The following PIWIL1 variants were observed in gnomAD, a reference collection of about 807,000 sequenced individuals.
The protein encoded by PIWIL1 is piwi like RNA-mediated gene silencing 1.
A neutral mutation model predicts 114.4 loss-of-function variants in PIWIL1; 73 were observed. The ratio of observed to expected loss-of-function variants is 0.64; its 90% confidence interval spans 0.53 to 0.78. PIWIL1 has a LOEUF of 0.78. Among genes scored for constraint, PIWIL1 ranks in the 30% least tolerant of loss-of-function variants. The pLI, the probability that PIWIL1 is intolerant of heterozygous loss-of-function variation, is 0.00. For missense variants in PIWIL1, 723 were observed against 1,063.1 expected, an observed-to-expected ratio of 0.68 and a Z score of 4.45; for synonymous variants, 375 against 369.0, an observed-to-expected ratio of 1.02 and a Z score of -0.19.
the PIWIL1 span, chr12:130,412,744 G>A: frequency 1.9e-6 from 3 of 1,613,860 alleles, no homozygotes; most frequent in Non-Finnish European, 2.5e-6. Flanking sequence ...CCGGGCACAG[G>A]TTTCCCCACG....
In PIWIL1 at chr12:130,338,124, T is replaced by G; in HGVS notation, c.-35T>G. ...CGGGCTGAGGTGCAAGGACCAGGAC[T>G]AGGGCGAGGGCAGCGGTCCAAGGTG... On this transcript the variant is annotated 5_prime_UTR_variant, in exon 1 of 21. An upstream open reading frame in the 5' UTR loses its in-frame stop. Transcript: ENST00000245255. The G allele has an allele frequency of 3.4e-6, 1 of 295,650 alleles. No homozygotes were observed. 18.3% of individuals were successfully genotyped at this position (295,650 alleles called of 1,614,324 possible).
chr12:130,377,682 C>T, the PIWIL1 span, among the ~76,000 whole-genome samples: 2 of 152,248 alleles, frequency 1.3e-5, no homozygotes, highest in African/African-American at 4.8e-5. Flanking sequence ...ACCCATGTGG[C>T]ATAAATGCAA....
chr12:130,367,666 T>C (rs7310574), intron 19 of PIWIL1, among the ~76,000 whole-genome samples: 1 of 152,106 alleles, frequency 6.6e-6, no homozygotes, highest in African/African-American at 2.4e-5. Flanking sequence ...TGCTTATGAG[T>C]AAAGTGGCTT....
At chr12:130,346,678 A>C in intron 5 of PIWIL1, 94 bp downstream of exon 5, 1 of 1,048,432 alleles carries the variant, frequency 9.5e-7, no homozygotes, top group Admixed American at 2.0e-5. Flanking sequence ...AGGCCCCAGG[A>C]GTCTCCTGTC....
the PIWIL1 span, chr12:130,414,288 C>T: frequency 7.5e-6 from 12 of 1,596,420 alleles, no homozygotes; most frequent in Admixed American, 1.7e-5. Flanking sequence ...TGGAGAAAGG[C>T]GGTCTCGCCC....
intron 19 of PIWIL1, among the ~76,000 whole-genome samples, chr12:130,370,401 T>G (rs1271851276): frequency 1.3e-5 from 2 of 152,250 alleles, no homozygotes; most frequent in African/African-American, 4.8e-5. Context: ...CTTGTCATTA[T>G]TCCTTAAACA....
chr12:130,423,754 A>G, the PIWIL1 span, among the ~76,000 whole-genome samples: 9 of 149,292 alleles, frequency 6.0e-5, no homozygotes, highest in South Asian at 2.1e-4. Flanking sequence ...AATAACAAGG[A>G]AAAAAAACCC....
the PIWIL1 span, chr12:130,399,030 C>A: frequency 1.7e-6 from 1 of 597,776 alleles, no homozygotes; most frequent in Non-Finnish European, 2.7e-6. Flanking sequence ...TTTAACCCCA[C>A]AATGAAGCCT....
chr12:130,353,372 T>A (rs1314191659), intron 9 of PIWIL1, among the ~76,000 whole-genome samples: 1 of 151,544 alleles, frequency 6.6e-6, no homozygotes, highest in Non-Finnish European at 1.5e-5. Context: ...TCTGGTGTGC[T>A]CAGTGGAGGT....
At chr12:130,410,904 C>G in the PIWIL1 span, among the ~76,000 whole-genome samples, 6 of 152,196 alleles carry the variant, frequency 3.9e-5, no homozygotes, top group Admixed American at 3.9e-4. Flanking sequence ...AATCCCAGCA[C>G]AGATTTCGAA....
the PIWIL1 span, among the ~76,000 whole-genome samples, chr12:130,395,789 G>GAAGT: frequency 6.6e-6 from 1 of 152,146 alleles, no homozygotes; most frequent in Non-Finnish European, 1.5e-5. Context: ...ATGTATTTGG[G>GAAGT]AAGTTATATT....
chr12:130,371,727 A>T lies in PIWIL1; in HGVS notation c.*129A>T. The T allele has an allele frequency of 1.9e-6, 1 of 539,094 alleles. No homozygotes were observed. Among genetic ancestry groups the T allele is most frequent in the Non-Finnish European group, 3.3e-6 (1 of 304,298 alleles). The allele number at this position is 539,094 out of a possible 1,614,324, so 33.4% of individuals were successfully genotyped here. On this transcript the variant is annotated 3_prime_UTR_variant, in exon 21 of 21. Transcript: ENST00000245255. The stretch of plus-strand genomic sequence containing the variant: ...TGGGAAGGGGATTAGGAGATCTAGC[A>T]TTTTATTTCTAGCATTGCTATTCAC...
chr12:130,410,511 C>T, the PIWIL1 span, among the ~76,000 whole-genome samples: 1 of 152,240 alleles, frequency 6.6e-6, no homozygotes, highest in Non-Finnish European at 1.5e-5. Flanking sequence ...ATACTTGAAA[C>T]TATGATCCAT....
At chr12:130,366,998 C>T (rs1437494463) in intron 18 of PIWIL1, 135 bp from the exon 19 acceptor site, 1 of 1,012,408 alleles carries the variant, frequency 9.9e-7, no homozygotes, top group Non-Finnish European at 1.5e-6. Flanking sequence ...CCTGATCCTT[C>T]TCCACAACCT....
chr12:130,404,228 T>C, the PIWIL1 span, among the ~76,000 whole-genome samples: 5 of 152,196 alleles, frequency 3.3e-5, no homozygotes, highest in Non-Finnish European at 5.9e-5. Context: ...TTTTCCAACA[T>C]GTTTTCTAAA....
At chr12:130,399,642 G>A in the PIWIL1 span, 12 of 1,610,534 alleles carry the variant, frequency 7.5e-6, no homozygotes, top group African/African-American at 2.7e-5. Flanking sequence ...ATGGCAGAAC[G>A]GGACAGAGAT....
chr12:130,414,625 TG>T, the PIWIL1 span: 1 of 229,962 alleles, frequency 4.3e-6, no homozygotes. Flanking sequence ...TGGCCCATGC[TG>T]GGGAGCCTTC....
intron 6 of PIWIL1, 81 bp from the exon 7 acceptor site, chr12:130,348,022 C>G (rs773396034): frequency 1.1e-6 from 1 of 921,196 alleles, no homozygotes; most frequent in South Asian, 1.7e-5. Flanking sequence ...TTTGCCAACC[C>G]CTGCTCTAAA....
the PIWIL1 span, among the ~76,000 whole-genome samples, chr12:130,380,591 G>A: frequency 2.0e-5 from 3 of 152,292 alleles, no homozygotes; most frequent in Non-Finnish European, 2.9e-5. Context: ...ATTTAAGGAT[G>A]ACACCGTATT....
Sources: allele counts gnomAD v4.1 joint callset (sites outside exome capture counted in the v4.1 genomes callset), GRCh38; gene constraint gnomAD v4.1.1; transcripts MANE v1.5; gene names NCBI Gene and HGNC (gene_info 2026-07-23, HGNC 2026-07-21).